Variants in CDH26 observed in about 807,000 individuals in gnomAD.
The protein encoded by CDH26 is cadherin-like protein 26.
A neutral mutation model predicts 90.3 loss-of-function variants in CDH26; 83 were observed. The ratio of observed to expected loss-of-function variants is 0.92; its 90% CI spans 0.77 to 1.10. The LOEUF (loss-of-function observed/expected upper bound fraction) is 1.10, where lower values mean the gene tolerates loss of function less well. CDH26 is among the 50% of genes least tolerant of loss of function. The pLI, the probability that CDH26 is intolerant of heterozygous loss-of-function variation, is 0.00. For missense variants in CDH26, 1,013 were observed against 1,037.6 expected, an observed-to-expected ratio of 0.98 and a Z score of 0.33; for synonymous variants, 397 against 396.3, an observed-to-expected ratio of 1.00 and a Z score of -0.02.
chr20:59,989,273 A>C, intron 9 of CDH26, 110 bp downstream of exon 9: 1 of 1,419,410 alleles, frequency 7.0e-7, no homozygotes, highest in South Asian at 1.3e-5. Flanking sequence ...TCACGCCTGT[A>C]ATCCCAGCGC....
Position 59,985,065 on chromosome 20 carries a change from C to T in CDH26, c.773C>T (p.Thr258Met), listed in dbSNP as rs202009439. Reference protein sequence around the residue: ...RDCGEPSLSSTTTVHVDVQEG... With the variant: ...RDCGEPSLSSMTTVHVDVQEG... Reference sequence around the variant, plus strand: ...TGTGGAGAACCGTCACTGTCATCCACGACCACCGTTCACGTGGATGTGCAA... The same window carrying T: ...TGTGGAGAACCGTCACTGTCATCCATGACCACCGTTCACGTGGATGTGCAA... Residue 258 changes from threonine (T) to methionine (M), a missense_variant, in exon 7 of 18, where the codon ACG becomes ATG. By Grantham distance (81) the Thr-to-Met change is moderately conservative. Transcript: ENST00000348616. The T allele has an allele frequency of 9.2e-5, 148 of 1,614,092 alleles. No individual in the cohort carries two copies. Among genetic ancestry groups the T allele is most frequent in the South Asian group, 5.5e-5 (5 of 91,072 alleles).
chr20:60,005,456 GTA>G (rs1569056688), intron 16 of CDH26, among the ~76,000 whole-genome samples: 16 of 150,674 alleles, frequency 1.1e-4, no homozygotes, highest in African/African-American at 4.0e-4. Flanking sequence ...ATGTTTGTCT[GTA>G]TATGTGCATG....
exon 9 of CDH26, chr20:60,033,911 C>T (rs2062064392): frequency 1.8e-5 from 6 of 340,636 alleles, no homozygotes; most frequent in Admixed American, 1.6e-4. Flanking sequence ...CTGGTCACTG[C>T]TTATCCAATA....
At chr20:60,018,862 A>C (rs1455266150), downstream of CDH26, among the ~76,000 whole-genome samples, 1 of 151,074 alleles carries the variant, frequency 6.6e-6, no homozygotes, top group African/African-American at 2.4e-5. Context: ...TTTCACTTCT[A>C]GATGTAAAAC....
At position 60,004,718 on chromosome 20, in the gene CDH26, A is replaced by T. The variant is rs559162985; in HGVS notation, c.2220+1852A>T. Among the ~76,000 whole-genome samples, 7 of 148,978 alleles carry T rather than the reference A, an allele frequency of 4.7e-5. No individual in the cohort carries two copies. In the East Asian group the frequency reaches 1.4e-3, roughly 30 times the overall value. On this transcript the variant is annotated intron_variant, in intron 16 of 17. Transcript: ENST00000348616. ...GAGGCGGCGCTTGCAGTGAGCCAAGATCGCGCCACTGCACTCCAGCCTGGG... is the reference window on the plus strand; with the variant it reads ...GAGGCGGCGCTTGCAGTGAGCCAAGTTCGCGCCACTGCACTCCAGCCTGGG...
rs377493540 is a variant in CDH26, at chr20:59,992,626, A to T, written c.1426+106A>T. On this transcript the variant is annotated intron_variant, in intron 10 of 17. Coordinates refer to ENST00000348616, the MANE Select transcript of CDH26 (RefSeq NM_177980.4). This position sits in a 1 kb window ranked among gnomAD's most constrained non-coding sequence, Gnocchi z 5.0. ...AGCACAGCAGAGAAAAGGATAAAAT[A>T]AACCTTGTTATCACTCTGCATCCAT... The T allele has an allele frequency of 1.8e-6, 2 of 1,142,210 alleles. No homozygotes were observed. The highest frequency in any genetic ancestry group is 1.4e-5 in the South Asian group (1 of 72,910). The allele number at this position is 1,142,210 out of a possible 1,614,324, so 70.8% of individuals were successfully genotyped here. A position where few individuals can be genotyped will look rare whatever the true frequency, so the allele number is the denominator to read the frequency against.
In CDH26 at chr20:59,994,178, C is replaced by T. The variant is rs1347808395; in HGVS notation, c.1427-72C>T. The T allele has an allele frequency of 5.1e-6, 8 of 1,570,516 alleles. No homozygotes were observed. The East Asian group carries it at 6.8e-5, about 13-fold the overall frequency. On this transcript the variant is annotated intron_variant, in intron 10 of 17. Transcript: ENST00000348616. The stretch of plus-strand genomic sequence containing the variant: ...TCAGGAATATTTTTTTTCTGAGAGA[C>T]GGAGAGTGCTCATTCTCCAGAGCTG...
intron 7 of CDH26, among the ~76,000 whole-genome samples, chr20:59,986,865 T>C (rs1011814598): frequency 6.6e-6 from 1 of 152,192 alleles, no homozygotes; most frequent in Non-Finnish European, 1.5e-5. Context: ...ATATAATAAC[T>C]ACAAAATAAT....
chr20:60,004,533 G>A (rs1044159047), intron 16 of CDH26, among the ~76,000 whole-genome samples: 1 of 152,066 alleles, frequency 6.6e-6, no homozygotes, highest in Non-Finnish European at 1.5e-5. Context: ...TTGGGAGGCC[G>A]AGGCAGGCGT....
chr20:59,977,994 G>A (rs569713883), intron 4 of CDH26, among the ~76,000 whole-genome samples: 3 of 152,246 alleles, frequency 2.0e-5, no homozygotes, highest in Admixed American at 1.3e-4. Flanking sequence ...TTTTCCAGAA[G>A]GTTATATAGT....
chr20:60,035,103 GC>G (rs1237343445), downstream of CDH26, among the ~76,000 whole-genome samples: 1 of 152,208 alleles, frequency 6.6e-6, no homozygotes, highest in Non-Finnish European at 1.5e-5. Context: ...AAGAGATCCT[GC>G]CCTGTCAACA....
rs1316089164 is a variant in CDH26, at chr20:59,992,199, G to T, written c.1284-179G>T. On this transcript the variant is annotated intron_variant, in intron 9 of 17. Transcript: ENST00000348616. The surrounding 1 kb of genome is among the most constrained non-coding windows in gnomAD (Gnocchi z 5.0). ...GGAGAGTCTTTAGGCTGTCCTCCCT[G>T]TGCTTCCATTCCTTTCGTGAATTAA... is the stretch of plus-strand genomic sequence containing the variant. Among the ~76,000 whole-genome samples the T allele has an allele frequency of 6.6e-6, 1 of 152,132 alleles. No individual in the cohort carries two copies. Among genetic ancestry groups the T allele is most frequent in the African/African-American group, 2.4e-5 (1 of 41,426 alleles).
In CDH26 at chr20:60,031,437, C is replaced by G. The variant is rs770848509; in HGVS notation, c.1143+11C>G. On this transcript the variant is annotated intron_variant, in intron 8 of 8. Transcript: ENST00000370991. ...ATGACCACAAGGAAGGTTTGAGTCT[C>G]TATATTTTTGCATGTACTAGATTTC... 2.4e-5 allele frequency: 26 copies of G among 1,098,338 alleles called. No homozygotes were observed. The South Asian group carries it at 5.5e-4, about 23-fold the overall frequency. The allele number at this position is 1,098,338 out of a possible 1,614,324, so 68.0% of individuals were successfully genotyped here. A position where few individuals can be genotyped will look rare whatever the true frequency, so the allele number is the denominator to read the frequency against.
chr20:60,030,918 A>G lies in CDH26; in HGVS notation c.948-313A>G, dbSNP rs1291104072. Reference sequence around the variant, plus strand: ...GCCCGGAGTGAAAACATTTCCTTCAAAAGTTTTTGTTTTTCAAAGTGAAAG... The same window carrying G: ...GCCCGGAGTGAAAACATTTCCTTCAGAAGTTTTTGTTTTTCAAAGTGAAAG... On this transcript the variant is annotated intron_variant, in intron 7 of 8. Coordinates refer to the CDH26 transcript ENST00000370991. The surrounding 1 kb of genome is among the most constrained non-coding windows in gnomAD (Gnocchi z 4.0). Among the ~76,000 whole-genome samples, 1 of 152,202 alleles carries G rather than the reference A, an allele frequency of 6.6e-6. No homozygotes were observed. Among genetic ancestry groups the G allele is most frequent in the African/African-American group, 2.4e-5 (1 of 41,454 alleles).
At chr20:60,018,495 T>C (rs2061924213), downstream of CDH26, among the ~76,000 whole-genome samples, 1 of 152,024 alleles carries the variant, frequency 6.6e-6, no homozygotes, top group African/African-American at 2.4e-5. Flanking sequence ...TGTGTGTCTT[T>C]ACAGGTGATG....
At chr20:59,987,375 C>A in intron 7 of CDH26, 78 bp from the exon 8 acceptor site, 1 of 1,119,732 alleles carries the variant, frequency 8.9e-7, no homozygotes, top group Non-Finnish European at 1.3e-6. Flanking sequence ...CTCTGCTTCT[C>A]TCCCTCCTTC....
In CDH26 at chr20:60,006,603, G is replaced by T. The variant is rs910508791; in HGVS notation, c.2221-110G>T. On this transcript the variant is annotated intron_variant, in intron 16 of 17. Transcript: ENST00000348616. ...CCTGGGCCTGGCTCTTCACCTCCAA[G>T]AGAACGGTGCTCAGTGTGCCCCATC... 6.7e-6 allele frequency: 5 copies of T among 751,512 alleles called. No homozygotes were observed. In the African/African-American group the frequency reaches 8.7e-5, roughly 13 times the overall value. 46.6% of individuals were successfully genotyped at this position (751,512 alleles called of 1,614,324 possible).
intron 17 of CDH26, among the ~76,000 whole-genome samples, chr20:60,011,677 G>T (rs914243017): frequency 1.3e-5 from 2 of 152,184 alleles, no homozygotes; most frequent in African/African-American, 4.8e-5. Context: ...AACAACAGGT[G>T]GTGTGCTGGA....
At chr20:59,979,091 G>A (rs910832158) in intron 4 of CDH26, among the ~76,000 whole-genome samples, 6 of 151,946 alleles carry the variant, frequency 3.9e-5, no homozygotes, top group South Asian at 2.1e-4. Context: ...TCATAGAGAC[G>A]GAGTCACACA....
Sources: allele counts gnomAD v4.1 joint callset (sites outside exome capture counted in the v4.1 genomes callset), GRCh38; gene constraint gnomAD v4.1.1; non-coding constraint Gnocchi (gnomAD v3.1); transcripts MANE v1.5; gene names NCBI Gene and HGNC (gene_info 2026-07-23, HGNC 2026-07-21).